The following GPR83 variants were observed in gnomAD, a reference collection of about 807,000 sequenced individuals.
GPR83 encodes G-protein coupled receptor 72.
In GPR83, 23 loss-of-function variants were observed where a neutral mutation model predicts 28.0. The observed-to-expected ratio is 0.82, with a 90% confidence interval of 0.59 to 1.16. The LOEUF (loss-of-function observed/expected upper bound fraction) is 1.16. Ranked by LOEUF, GPR83 falls within the 50% of genes most tolerant of loss-of-function variation. The pLI is 0.00. For missense variants in GPR83, 610 were observed against 536.6 expected, an observed-to-expected ratio of 1.14 and a Z score of -1.35; for synonymous variants, 234 against 215.4, an observed-to-expected ratio of 1.09 and a Z score of -0.76.
At chr11:94,384,785 C>T in intron 3 of GPR83, among the ~76,000 whole-genome samples, 1 of 152,182 alleles carries the variant, frequency 6.6e-6, no homozygotes, top group Non-Finnish European at 1.5e-5. Flanking sequence ...AGGGAATAGC[C>T]AAACAAAAGG....
chr11:94,386,169 G>A (rs1184757723), intron 3 of GPR83, among the ~76,000 whole-genome samples: 1 of 152,116 alleles, frequency 6.6e-6, no homozygotes, highest in African/African-American at 2.4e-5. Context: ...GTCACCACCA[G>A]GCCTGCCCTA....
In GPR83 at chr11:94,380,344, T is replaced by G; in HGVS notation, c.1077A>C (p.Leu359Phe). The change falls in exon 4 of 4, where the codon TTA becomes TTC. Residue 359 changes from leucine (L) to phenylalanine (F), a missense_variant. Coordinates refer to ENST00000243673, the MANE Select transcript of GPR83 (RefSeq NM_016540.4). ...TGGGAGGTCTTTGACACATGCTCAGTAATGCCTTTAGCTCAATCCTGAAGT... is the reference window on the plus strand; with the variant it reads ...TGGGAGGTCTTTGACACATGCTCAGGAATGCCTTTAGCTCAATCCTGAAGT... ...NENFRIELKA[L>F]LSMCQRPPKP... 6.2e-7 allele frequency: 1 copy of G among 1,613,766 alleles called. No homozygotes were observed. The highest frequency in any genetic ancestry group is 8.5e-7 in the Non-Finnish European group (1 of 1,179,698).
At chr11:94,386,922 T>G (rs535868530) in intron 3 of GPR83, among the ~76,000 whole-genome samples, 1 of 152,202 alleles carries the variant, frequency 6.6e-6, no homozygotes, top group African/African-American at 2.4e-5. Context: ...ACCACATAGT[T>G]GGAAGTAAAG....
At position 94,378,496 on chromosome 11, in the gene GPR83, G is replaced by A. The variant is rs1944643846; in HGVS notation, c.*1653C>T. On this transcript the variant is annotated 3_prime_UTR_variant, in exon 4 of 4. Coordinates refer to ENST00000243673, the MANE Select transcript of GPR83 (RefSeq NM_016540.4). ...CTGGGTGACACAGTGAGTCACTCAG[G>A]ACCAGACAGAAGGTGATAAAAACAA... 1 of 152,198 alleles carries A rather than the reference G, an allele frequency of 6.6e-6. No individual in the cohort carries two copies. Among genetic ancestry groups the A allele is most frequent in the African/African-American group, 2.4e-5 (1 of 41,426 alleles). 9.4% of individuals were successfully genotyped at this position (152,198 alleles called of 1,614,324 possible). A position where few individuals can be genotyped will look rare whatever the true frequency, so the allele number is the denominator to read the frequency against.
chr11:94,396,366 G>T (rs776325123), intron 2 of GPR83, 33 bp downstream of exon 2: 7 of 1,606,056 alleles, frequency 4.4e-6, no homozygotes, highest in South Asian at 1.1e-5. Context: ...GCAAGAGAGG[G>T]AAGAGCAGAG....
chr11:94,401,260 AC>A lies in GPR83; in HGVS notation c.-14del. On this transcript the variant is annotated 5_prime_UTR_variant, in exon 1 of 4. Transcript: ENST00000243673. ...GGTGAGGGACCATTTTGCAGGAGCC[AC>A]CCCTCCCCTGGGAGCCTGCGGGCCG... 3.8e-6 allele frequency: 6 copies of A among 1,576,342 alleles called. No individual in the cohort carries two copies. The highest frequency in any genetic ancestry group is 1.4e-5 in the African/African-American group (1 of 73,728).
chr11:94,394,039 T>TG (rs1944843591), intron 2 of GPR83, among the ~76,000 whole-genome samples: 1 of 152,102 alleles, frequency 6.6e-6, no homozygotes, highest in African/African-American at 2.4e-5. Context: ...GCAGGTCATC[T>TG]GCCCCGCTGG....
rs779715098 is a variant in GPR83 at position 94,380,277 on chromosome 11, TGAAG to T, written c.1140_1143del (p.Phe381GlyfsTer39). The T allele has an allele frequency of 5.7e-6, 9 of 1,582,070 alleles. No homozygotes were observed. The highest frequency in any genetic ancestry group is 1.7e-5 in the Admixed American group (1 of 57,438). On this transcript the variant is annotated frameshift_variant, in exon 4 of 4. Coordinates refer to ENST00000243673, the MANE Select transcript of GPR83 (RefSeq NM_016540.4). LOFTEE classifies it low-confidence loss of function (END_TRUNC). ...TCATTCTTCTCTGTCCAGGCCACCCTGAAGGAAGGAACTGGGGAGGGTGGCCTGT... is the reference window on the plus strand; with the variant it reads ...TCATTCTTCTCTGTCCAGGCCACCCTGAAGGAACTGGGGAGGGTGGCCTGT...
At chr11:94,395,572 C>T (rs543296397) in intron 2 of GPR83, among the ~76,000 whole-genome samples, 8 of 152,298 alleles carry the variant, frequency 5.3e-5, no homozygotes, top group Admixed American at 6.5e-5. Context: ...TATAATTCAG[C>T]GTAGGTCTAA....
In GPR83 at chr11:94,400,912, G is replaced by C; in HGVS notation, c.336C>G (p.Asn112Lys). The change falls in exon 1 of 4, where the codon AAC becomes AAG. Residue 112 changes from asparagine to lysine, a missense_variant. Physicochemically the swap from Asn to Lys is moderately conservative, Grantham distance 94. Transcript: ENST00000243673. Reference protein sequence around the residue: ...MHSATSLFIVNLAVADIMITL... With the variant: ...MHSATSLFIVKLAVADIMITL... ...TGATCATTATGTCGGCAACTGCCAGGTTGACGATGAAGAGGCTGGTGGCCG... is the reference window on the plus strand; with the variant it reads ...TGATCATTATGTCGGCAACTGCCAGCTTGACGATGAAGAGGCTGGTGGCCG... 6.2e-7 allele frequency: 1 copy of C among 1,614,180 alleles called. No individual in the cohort carries two copies. Among genetic ancestry groups the C allele is most frequent in the Non-Finnish European group, 8.5e-7 (1 of 1,179,986 alleles).
intron 1 of GPR83, among the ~76,000 whole-genome samples, chr11:94,397,524 CTTA>C (rs1217695213): frequency 6.6e-6 from 1 of 152,212 alleles, no homozygotes; most frequent in Non-Finnish European, 1.5e-5. Flanking sequence ...AATGTAGTGA[CTTA>C]CAGCAGGGTG....
At chr11:94,394,085 C>T (rs1331920342) in intron 2 of GPR83, among the ~76,000 whole-genome samples, 4 of 152,178 alleles carry the variant, frequency 2.6e-5, no homozygotes, top group Non-Finnish European at 5.9e-5. Flanking sequence ...AGTGAGAGGA[C>T]TGGGGAGGGG....
At chr11:94,384,983 C>A (rs1310938422) in intron 3 of GPR83, among the ~76,000 whole-genome samples, 1 of 152,200 alleles carries the variant, frequency 6.6e-6, no homozygotes, top group African/African-American at 2.4e-5. Flanking sequence ...TGGCCAGGTA[C>A]TCCTCTGAGA....
At chr11:94,387,716 C>T (rs1305518133) in intron 3 of GPR83, among the ~76,000 whole-genome samples, 4 of 152,102 alleles carry the variant, frequency 2.6e-5, no homozygotes, top group South Asian at 2.1e-4. Flanking sequence ...AGTCCAGGAC[C>T]AGACGGATTC....
chr11:94,390,026 T>C lies in GPR83; in HGVS notation c.647+3459A>G, dbSNP rs565244304. ...TGAGTTCATGTCCTTTGTGGGGACA[T>C]GGATTAAGCTTGAAACCATCATTCT... On this transcript the variant is annotated intron_variant, in intron 3 of 3. Transcript: ENST00000243673. Among the ~76,000 whole-genome samples the C allele has an allele frequency of 8.2e-4, 125 of 152,268 alleles. 2 individuals are homozygous for C. Among genetic ancestry groups the C allele is most frequent in the African/African-American group, 2.9e-3 (122 of 41,550 alleles).
At chr11:94,391,827 A>G (rs1045942942) in intron 3 of GPR83, among the ~76,000 whole-genome samples, 2 of 152,174 alleles carry the variant, frequency 1.3e-5, no homozygotes, top group African/African-American at 4.8e-5. Flanking sequence ...GAAACAATTG[A>G]TGCTGGAGAG....
chr11:94,390,467 G>C (rs1395072564), intron 3 of GPR83, among the ~76,000 whole-genome samples: 1 of 152,058 alleles, frequency 6.6e-6, no homozygotes, highest in Admixed American at 6.6e-5. Flanking sequence ...TGGAAGTTTT[G>C]GCCAGGGCAA....
At chr11:94,396,702 A>G (rs556614905) in intron 1 of GPR83, among the ~76,000 whole-genome samples, 178 bp from the exon 2 acceptor site, 36 of 152,226 alleles carry the variant, frequency 2.4e-4, no homozygotes, top group Admixed American at 2.3e-3. Flanking sequence ...ATTTTCATTC[A>G]TTCAATTCAA....
chr11:94,386,457 T>G (rs944191743), intron 3 of GPR83, among the ~76,000 whole-genome samples: 1 of 152,152 alleles, frequency 6.6e-6, no homozygotes, highest in Non-Finnish European at 1.5e-5. Flanking sequence ...GAAACCCATC[T>G]CATGTGCAGA....
Sources: gnomAD v4.1 joint callset for allele counts (sites outside exome capture counted in the v4.1 genomes callset) on GRCh38, gnomAD v4.1.1 for gene constraint, MANE v1.5 for transcripts, NCBI Gene and HGNC (gene_info 2026-07-23, HGNC 2026-07-21) for gene names.